RNF180: variants seen among roughly 807,000 people sequenced by gnomAD.
RNF180 encodes the protein ring finger protein 180.
RNF180 carries 38 observed loss-of-function variants against 59.2 expected under a neutral mutation model. The ratio of observed to expected loss-of-function variants is 0.64; its 90% CI spans 0.50 to 0.84. RNF180 has a LOEUF of 0.84. Ranked by LOEUF, RNF180 falls within the 40% of genes least tolerant of loss-of-function variation. The pLI is 0.00. For synonymous variants in RNF180, 262 were observed against 240.3 expected (o/e 1.09, Z -0.84); for missense variants, 705 against 700.9 (o/e 1.01, Z -0.07).
chr5:64,243,879 CT>C (rs1159997033), intron 5 of RNF180, among the ~76,000 whole-genome samples: 2 of 152,170 alleles, frequency 1.3e-5, no homozygotes, highest in Non-Finnish European at 2.9e-5. Context: ...TGGGACAAAG[CT>C]TCCAGAGAAA....
At chr5:64,231,332 A>G (rs1742090304) in intron 5 of RNF180, among the ~76,000 whole-genome samples, 1 of 152,210 alleles carries the variant, frequency 6.6e-6, no homozygotes, top group Non-Finnish European at 1.5e-5. Flanking sequence ...AATGACAAAG[A>G]CAATAGATTT....
intron 5 of RNF180, among the ~76,000 whole-genome samples, chr5:64,267,021 GT>G (rs1489688759): frequency 6.6e-6 from 1 of 152,030 alleles, no homozygotes. Context: ...ATATTAGTAT[GT>G]TTAATTTTAG....
intron 4 of RNF180, among the ~76,000 whole-genome samples, chr5:64,215,590 T>C (rs1460088537): frequency 6.6e-6 from 1 of 152,142 alleles, no homozygotes. Context: ...GACATCAAAG[T>C]ATATATTACA....
chr5:64,349,995 T>A (rs763137221), intron 7 of RNF180, among the ~76,000 whole-genome samples: 2 of 152,184 alleles, frequency 1.3e-5, no homozygotes, highest in South Asian at 2.1e-4. Flanking sequence ...CACCACATTG[T>A]CTTCCACAAT....
At position 64,214,194 on chromosome 5, in the gene RNF180, A is replaced by G. The variant is rs1752488669; in HGVS notation, c.868A>G (p.Met290Val). The G allele has an allele frequency of 1.9e-6, 3 of 1,614,022 alleles. No homozygotes were observed. Among genetic ancestry groups the G allele is most frequent in the Non-Finnish European group, 2.5e-6 (3 of 1,180,004 alleles). ...GAATCCATCCAGTTTTGATCCTAGT[A>G]TGCTGCTGCAAAGATTTTCAGTGGC... ...FQNPSSFDPS[M>V]LLQRFSVAPH... The change falls in exon 4 of 8, where the codon ATG (methionine) becomes GTG (valine). Residue 290 changes from methionine (M) to valine (V), a missense_variant. Coordinates refer to ENST00000389100, the MANE Select transcript of RNF180 (RefSeq NM_001113561.2).
intron 5 of RNF180, among the ~76,000 whole-genome samples, chr5:64,233,081 A>G (rs1042633051): frequency 1.3e-4 from 20 of 152,354 alleles, no homozygotes; most frequent in Middle Eastern, 3.4e-3. Flanking sequence ...GACACTGCAC[A>G]GCACTGGCAA....
intron 2 of RNF180, among the ~76,000 whole-genome samples, chr5:64,203,593 A>ATTT (rs1751861742): frequency 6.6e-6 from 1 of 152,134 alleles, no homozygotes; most frequent in Non-Finnish European, 1.5e-5. Flanking sequence ...TTATAAAGTA[A>ATTT]AAATATATTC....
At chr5:64,279,524 AATG>A (rs1213087069) in intron 5 of RNF180, among the ~76,000 whole-genome samples, 6 of 152,168 alleles carry the variant, frequency 3.9e-5, no homozygotes, top group South Asian at 2.1e-4. Context: ...TCAAGAGAGA[AATG>A]ATGATCTTAT....
At chr5:64,349,082 T>G (rs534189103) in intron 7 of RNF180, among the ~76,000 whole-genome samples, 3 of 152,110 alleles carry the variant, frequency 2.0e-5, no homozygotes, top group Non-Finnish European at 4.4e-5. Context: ...TGTTGGTCAA[T>G]TCTAACCCAA....
chr5:64,248,932 G>A (rs537717688), intron 5 of RNF180, among the ~76,000 whole-genome samples: 87 of 152,212 alleles, frequency 5.7e-4, no homozygotes, highest in African/African-American at 2.0e-3. Flanking sequence ...TCATAAAAAA[G>A]GGTGAATTCA....
At chr5:64,224,089 G>GTC (rs1741521383) in intron 5 of RNF180, among the ~76,000 whole-genome samples, 1 of 151,572 alleles carries the variant, frequency 6.6e-6, no homozygotes, top group Non-Finnish European at 1.5e-5. Context: ...GTGTGTGTGT[G>GTC]TGTGTGTGTG....
intron 7 of RNF180, among the ~76,000 whole-genome samples, chr5:64,342,136 G>A (rs1014223909): frequency 6.6e-6 from 1 of 152,114 alleles, no homozygotes; most frequent in Non-Finnish European, 1.5e-5. Context: ...TTCTGCTTCT[G>A]AGTAGGATAT....
Position 64,370,923 on chromosome 5 carries a change from G to C in RNF180, c.*1109G>C, listed in dbSNP as rs1746639518. Reference sequence around the variant, plus strand: ...ACTACACTATGATGTCATATATCTGGTAATTCAATAAGCAAACTTTTACAT... The same window carrying C: ...ACTACACTATGATGTCATATATCTGCTAATTCAATAAGCAAACTTTTACAT... On this transcript the variant is annotated 3_prime_UTR_variant, in exon 8 of 8. Coordinates refer to ENST00000389100, the MANE Select transcript of RNF180 (RefSeq NM_001113561.2). The C allele has an allele frequency of 6.6e-6, 1 of 151,516 alleles. No homozygotes were observed. Among genetic ancestry groups the C allele is most frequent in the Admixed American group, 6.6e-5 (1 of 15,162 alleles). The allele number at this position is 151,516 out of a possible 1,614,324, so 9.4% of individuals were successfully genotyped here. A position where few individuals can be genotyped will look rare whatever the true frequency, so the allele number is the denominator to read the frequency against.
intron 1 of RNF180, among the ~76,000 whole-genome samples, chr5:64,200,582 G>T (rs974300603): frequency 6.6e-6 from 1 of 152,186 alleles, no homozygotes; most frequent in Non-Finnish European, 1.5e-5. Flanking sequence ...AAGAAAATAA[G>T]CTGGTAGTCA....
intron 5 of RNF180, among the ~76,000 whole-genome samples, chr5:64,320,182 GT>G (rs1744273717): frequency 2.0e-5 from 3 of 152,160 alleles, no homozygotes; most frequent in Non-Finnish European, 4.4e-5. Context: ...CATTATAATT[GT>G]TACTAGATAA....
At chr5:64,348,580 G>C (rs960267832) in intron 7 of RNF180, among the ~76,000 whole-genome samples, 3 of 152,030 alleles carry the variant, frequency 2.0e-5, no homozygotes, top group Non-Finnish European at 4.4e-5. Context: ...GCTTTGAAAA[G>C]ATAAGACATA....
intron 5 of RNF180, among the ~76,000 whole-genome samples, chr5:64,285,087 A>C (rs1401767629): frequency 6.6e-6 from 1 of 152,200 alleles, no homozygotes; most frequent in South Asian, 2.1e-4. Flanking sequence ...CACAGAACCA[A>C]GGCTCAGCTC....
rs544033798 is a variant in RNF180 at position 64,236,049 on chromosome 5, G to A, written c.1227+18653G>A. Among the ~76,000 whole-genome samples, 7 of 152,348 alleles carry A rather than the reference G, an allele frequency of 4.6e-5. No homozygotes were observed. In the South Asian group the frequency reaches 1.4e-3, roughly 32 times the overall value. ...ATAAAGATAGCCTGAAAATGTGGAA[G>A]CAACTTTGGAACTGGGTAATAGGCA... On this transcript the variant is annotated intron_variant, in intron 5 of 7. Transcript: ENST00000389100.
intron 5 of RNF180, among the ~76,000 whole-genome samples, chr5:64,273,244 G>A (rs941459984): frequency 1.3e-5 from 2 of 151,888 alleles, no homozygotes; most frequent in Non-Finnish European, 2.9e-5. Flanking sequence ...CCTCAGTTCT[G>A]GGGGGAATTG....
Sources: gnomAD v4.1 joint callset for allele counts (sites outside exome capture counted in the v4.1 genomes callset) on GRCh38, gnomAD v4.1.1 for gene constraint, MANE v1.5 for transcripts, NCBI Gene and HGNC (gene_info 2026-07-23, HGNC 2026-07-21) for gene names.